Variants in CCDC60 observed in about 807,000 individuals in gnomAD.
The protein encoded by CCDC60 is coiled-coil domain-containing protein 60.
Under a neutral mutation model 63.5 loss-of-function variants are expected in CCDC60, and 54 were observed. That is an observed-to-expected ratio of 0.85 (90% CI 0.68 to 1.07). CCDC60 has a LOEUF of 1.07. CCDC60 is among the 50% of genes least tolerant of loss of function. The pLI is 0.00. For synonymous variants in CCDC60, 206 were observed against 238.8 expected (o/e 0.86, Z 1.27); for missense variants, 651 against 684.3 (o/e 0.95, Z 0.54).
rs193263204 is a variant in CCDC60 at position 119,345,147 on chromosome 12, G to A, written c.90+9881G>A. On this transcript the variant is annotated intron_variant, in intron 1 of 13. Transcript: ENST00000327554. The stretch of plus-strand genomic sequence containing the variant: ...GTACAATTAAGACTTAGATGAGTAA[G>A]CTCTTTCTAGTGCTCTCTTGTCTCA... Among the ~76,000 whole-genome samples, 4 of 152,264 alleles carry A rather than the reference G, an allele frequency of 2.6e-5. No homozygotes were observed. In the East Asian group the frequency reaches 5.8e-4, roughly 22 times the overall value.
intron 6 of CCDC60, among the ~76,000 whole-genome samples, chr12:119,503,257 A>T (rs1332465595): frequency 1.3e-5 from 2 of 152,188 alleles, no homozygotes; most frequent in Non-Finnish European, 2.9e-5. Flanking sequence ...TCTAGATAAA[A>T]TGGAAAGAGG....
At position 119,530,993 on chromosome 12, in the gene CCDC60, TC is replaced by T; in HGVS notation, c.1483del (p.Leu495SerfsTer2). 1 of 1,614,148 alleles carries T rather than the reference TC, an allele frequency of 6.2e-7. No homozygotes were observed. The highest frequency in any genetic ancestry group is 8.5e-7 in the Non-Finnish European group (1 of 1,179,990). ...ENLDLRIRPH[V>X]LLKVLQDLRI... ...CTGGACTTGCGGATTCGACCCCATG[TC>T]CTCCTGAAGGTGCTGCAGGATCTGA... On this transcript the variant is annotated frameshift_variant, in exon 13 of 14. Coordinates refer to ENST00000327554, the MANE Select transcript of CCDC60 (RefSeq NM_178499.5). LOFTEE classifies it high-confidence loss of function.
At chr12:119,384,511 C>T (rs1956040386) in intron 1 of CCDC60, among the ~76,000 whole-genome samples, 2 of 152,190 alleles carry the variant, frequency 1.3e-5, no homozygotes, top group African/African-American at 2.4e-5. Flanking sequence ...GCCCCACTGA[C>T]AGCAGATCAA....
intron 3 of CCDC60, among the ~76,000 whole-genome samples, chr12:119,475,373 G>A (rs553363606): frequency 3.9e-5 from 6 of 152,162 alleles, no homozygotes; most frequent in Non-Finnish European, 7.3e-5. Context: ...GTCGTAGAAC[G>A]CAATTCTCCC....
intron 5 of CCDC60, among the ~76,000 whole-genome samples, chr12:119,495,810 A>C (rs1951704474): frequency 6.6e-6 from 1 of 152,168 alleles, no homozygotes; most frequent in African/African-American, 2.4e-5. Flanking sequence ...TCCATTCTAC[A>C]GGGGGTGAGG....
At chr12:119,373,696 A>C (rs1327141329) in intron 1 of CCDC60, among the ~76,000 whole-genome samples, 1 of 151,822 alleles carries the variant, frequency 6.6e-6, no homozygotes, top group Non-Finnish European at 1.5e-5. Context: ...CCTTATCTGT[A>C]AAATGAGATG....
intron 1 of CCDC60, among the ~76,000 whole-genome samples, chr12:119,343,202 GA>G (rs1955549468): frequency 6.6e-6 from 1 of 152,184 alleles, no homozygotes; most frequent in Non-Finnish European, 1.5e-5. Flanking sequence ...ACTCTGCTGA[GA>G]AAATTTCTTG....
chr12:119,458,138 C>A (rs1950782693), intron 2 of CCDC60, among the ~76,000 whole-genome samples: 1 of 152,220 alleles, frequency 6.6e-6, no homozygotes, highest in Non-Finnish European at 1.5e-5. Flanking sequence ...ATGAAGTGGG[C>A]TCCCCAAGCC....
At position 119,373,068 on chromosome 12, in the gene CCDC60, C is replaced by T. The variant is rs541241091; in HGVS notation, c.90+37802C>T. 2.6e-5 allele frequency among the ~76,000 whole-genome samples: 4 copies of T among 152,144 alleles called. No individual in the cohort carries two copies. In the East Asian group the frequency reaches 7.7e-4, roughly 29 times the overall value. ...AAGTGAAAGTTTGAATTTTGGAAAA[C>T]GTGGAATCAGGAGGAGGGGGCAATG... On this transcript the variant is annotated intron_variant, in intron 1 of 13. Transcript: ENST00000327554.
At chr12:119,538,269 G>C (rs746957809) in intron 13 of CCDC60, among the ~76,000 whole-genome samples, 2 of 152,218 alleles carry the variant, frequency 1.3e-5, no homozygotes, top group Non-Finnish European at 2.9e-5. Context: ...AAGACCATTG[G>C]AAAAGCACAG....
At chr12:119,437,018 C>T (rs909909019) in intron 2 of CCDC60, among the ~76,000 whole-genome samples, 2 of 152,150 alleles carry the variant, frequency 1.3e-5, no homozygotes, top group Non-Finnish European at 2.9e-5. Context: ...GTTTGCCAAC[C>T]AAGGAGCCCA....
At chr12:119,519,434 T>TGTGTGTGTGC (rs1262823056) in intron 8 of CCDC60, among the ~76,000 whole-genome samples, 4 of 121,940 alleles carry the variant, frequency 3.3e-5, no homozygotes, top group Admixed American at 8.1e-5. Flanking sequence ...TGTGTGTGTG[T>TGTGTGTGTGC]GCGCGTGTGT....
In CCDC60 at chr12:119,431,494, G is replaced by A. The variant is rs540451061; in HGVS notation, c.170+2732G>A. ...TATCTCAAGCACTGATCTTAGAAGC[G>A]GTTTAGGGAGGGTCAGAATCTTGCA... On this transcript the variant is annotated intron_variant, in intron 2 of 13. Coordinates refer to ENST00000327554, the MANE Select transcript of CCDC60 (RefSeq NM_178499.5). Among the ~76,000 whole-genome samples, 74 of 152,290 alleles carry A rather than the reference G, an allele frequency of 4.9e-4. 1 individual carries two copies. The highest frequency in any genetic ancestry group is 1.5e-3 in the African/African-American group (63 of 41,566).
intron 1 of CCDC60, among the ~76,000 whole-genome samples, chr12:119,411,085 G>T (rs1956590992): frequency 6.6e-6 from 1 of 152,160 alleles, no homozygotes. Context: ...TTCAGAAATG[G>T]AGACCCAAAG....
At chr12:119,517,136 C>A (rs1952374799) in intron 8 of CCDC60, among the ~76,000 whole-genome samples, 1 of 151,938 alleles carries the variant, frequency 6.6e-6, no homozygotes, top group South Asian at 2.1e-4. Flanking sequence ...TACAGGCACA[C>A]ACCACCACAT....
intron 2 of CCDC60, among the ~76,000 whole-genome samples, chr12:119,449,081 G>T (rs1346578104): frequency 6.6e-6 from 1 of 152,142 alleles, no homozygotes; most frequent in Non-Finnish European, 1.5e-5. Flanking sequence ...TTTTTGGGGG[G>T]CAGGCAGGAT....
At chr12:119,473,028 C>A (rs761292049) in intron 3 of CCDC60, among the ~76,000 whole-genome samples, 1 of 152,152 alleles carries the variant, frequency 6.6e-6, no homozygotes, top group Non-Finnish European at 1.5e-5. Flanking sequence ...TAATGCACAC[C>A]TATTCGGCTA....
rs146600653 is a variant in CCDC60, at chr12:119,500,656, C to T, written c.648+488C>T. ...ATCGCTTGAGCCCAGGAGTTTGAGA[C>T]GAGCCTGGGCAACATAGCAAGACCC... On this transcript the variant is annotated intron_variant, in intron 6 of 13. Coordinates refer to ENST00000327554, the MANE Select transcript of CCDC60 (RefSeq NM_178499.5). Among the ~76,000 whole-genome samples the T allele has an allele frequency of 9.7e-3, 1,469 of 151,024 alleles. 29 individuals are homozygous for T. Among genetic ancestry groups the T allele is most frequent in the African/African-American group, 0.034 (1,395 of 41,128 alleles).
chr12:119,528,896 C>G (rs905179534), intron 12 of CCDC60, 150 bp downstream of exon 12: 2 of 742,590 alleles, frequency 2.7e-6, no homozygotes, highest in Non-Finnish European at 2.1e-6. Flanking sequence ...CCCCACCCCC[C>G]AGAAACACTA....
Sources: gnomAD v4.1 joint callset for allele counts (sites outside exome capture counted in the v4.1 genomes callset) on GRCh38, gnomAD v4.1.1 for gene constraint, MANE v1.5 for transcripts, NCBI Gene and HGNC (gene_info 2026-07-23, HGNC 2026-07-21) for gene names.